SORCS3: variants seen among roughly 807,000 people sequenced by gnomAD.
The protein encoded by SORCS3 is sortilin related VPS10 domain containing receptor 3.
In SORCS3, 57 loss-of-function variants were observed where a neutral mutation model predicts 146.3. The ratio of observed to expected loss-of-function variants is 0.39; its 90% confidence interval spans 0.31 to 0.49. The LOEUF (loss-of-function observed/expected upper bound fraction) is 0.49. SORCS3 is among the 20% of genes least tolerant of loss of function. SORCS3 has a pLI of 0.92. For synonymous variants in SORCS3, 653 were observed against 618.5 expected (o/e 1.06, Z -0.83); for missense variants, 1,341 against 1,575.5 (o/e 0.85, Z 2.52).
chr10:105,033,966 G>C (rs1220120689), intron 4 of SORCS3, among the ~76,000 whole-genome samples: 1 of 152,120 alleles, frequency 6.6e-6, no homozygotes, highest in Non-Finnish European at 1.5e-5. Context: ...ATATTCATGT[G>C]TTCATTCAGC....
intron 1 of SORCS3, among the ~76,000 whole-genome samples, chr10:104,722,500 G>A (rs942159439): frequency 2.0e-5 from 3 of 152,232 alleles, no homozygotes; most frequent in African/African-American, 7.2e-5. Context: ...CATAAAATGA[G>A]TTAGGGAGGA....
In SORCS3 at chr10:104,641,529, T is replaced by C; in HGVS notation, c.202T>C (p.Trp68Arg). 1 of 1,471,514 alleles carries C rather than the reference T, an allele frequency of 6.8e-7. No homozygotes were observed. Among genetic ancestry groups the C allele is most frequent in the Non-Finnish European group, 8.9e-7 (1 of 1,120,956 alleles). The allele number at this position is 1,471,514 out of a possible 1,614,324, so 91.2% of individuals were successfully genotyped here. A position where few individuals can be genotyped will look rare whatever the true frequency, so the allele number is the denominator to read the frequency against. ...CTCGCCGCGGGCAGTGGCCAGCCAG[T>C]GGCCGGAGGAGCTGGCGTCGGCGCG... ...PLSPRAVASQWPEELASARRA... is the reference protein window; with the variant it reads ...PLSPRAVASQRPEELASARRA... The change falls in exon 1 of 27, where the codon TGG becomes CGG. Residue 68 changes from tryptophan to arginine, a missense_variant. Physicochemically the swap from Trp to Arg is moderately radical, Grantham distance 101 (BLOSUM62 -3). Coordinates refer to ENST00000369701, the MANE Select transcript of SORCS3 (RefSeq NM_014978.3). This position sits in a 1 kb window ranked among gnomAD's most constrained non-coding sequence, Gnocchi z 6.4.
chr10:105,149,271 A>T (rs1298308072), intron 9 of SORCS3, among the ~76,000 whole-genome samples: 1 of 152,128 alleles, frequency 6.6e-6, no homozygotes, highest in Non-Finnish European at 1.5e-5. Flanking sequence ...ACATAAAGGC[A>T]TGGGGCAAAT....
intron 20 of SORCS3, among the ~76,000 whole-genome samples, chr10:105,240,931 C>T (rs898980916): frequency 2.8e-5 from 1 of 35,978 alleles, no homozygotes. Flanking sequence ...CATATACACA[C>T]ACAAACACTG....
chr10:104,647,884 A>T (rs1451649263), intron 1 of SORCS3, among the ~76,000 whole-genome samples: 1 of 152,206 alleles, frequency 6.6e-6, no homozygotes, highest in African/African-American at 2.4e-5. Context: ...GACTTCAGAG[A>T]TCAGATGGAC....
rs1388097896 is a variant in SORCS3 at position 104,682,244 on chromosome 10, T to C, written c.627+40290T>C. Reference sequence around the variant, plus strand: ...TGGAAAAAATCTTCATGCTAGTTCATGAGCATCTCACCTGGCACACCTGGC... The same window carrying C: ...TGGAAAAAATCTTCATGCTAGTTCACGAGCATCTCACCTGGCACACCTGGC... On this transcript the variant is annotated intron_variant, in intron 1 of 26. Transcript: ENST00000369701. Among the ~76,000 whole-genome samples, 4 of 152,258 alleles carry C rather than the reference T, an allele frequency of 2.6e-5. No homozygotes were observed. The East Asian group carries it at 7.7e-4, about 29-fold the overall frequency.
chr10:104,875,920 T>A (rs728423), intron 2 of SORCS3, among the ~76,000 whole-genome samples: 1 of 152,096 alleles, frequency 6.6e-6, no homozygotes, highest in South Asian at 2.1e-4. Context: ...TAGACTCACA[T>A]GGCAAAAGGA....
chr10:105,031,489 G>C (rs1232948850), intron 4 of SORCS3, among the ~76,000 whole-genome samples: 2 of 152,118 alleles, frequency 1.3e-5, no homozygotes, highest in African/African-American at 2.4e-5. Context: ...AGGAACCTAA[G>C]AATTCATTGT....
chr10:104,666,424 G>A (rs573498636), intron 1 of SORCS3, among the ~76,000 whole-genome samples: 4 of 152,248 alleles, frequency 2.6e-5, no homozygotes, highest in South Asian at 2.1e-4. Flanking sequence ...AAAATAGGAC[G>A]CAGTCACAGA....
chr10:105,069,851 C>A, intron 5 of SORCS3, among the ~76,000 whole-genome samples: 1 of 152,164 alleles, frequency 6.6e-6, no homozygotes. Flanking sequence ...CTCCATGTGT[C>A]CTTGCATACT....
intron 3 of SORCS3, among the ~76,000 whole-genome samples, chr10:104,920,849 G>T (rs948931363): frequency 5.9e-5 from 9 of 152,132 alleles, no homozygotes; most frequent in African/African-American, 2.2e-4. Context: ...TGGCATGGTG[G>T]CATCAGCATT....
At chr10:105,167,383 A>C (rs2056322985) in intron 13 of SORCS3, 34 bp downstream of exon 13, 1 of 1,504,034 alleles carries the variant, frequency 6.6e-7, no homozygotes, top group African/African-American at 1.4e-5. Context: ...TAATGAGCTA[A>C]TGAGCAGCTT....
rs186682188 is a variant in SORCS3 at position 105,161,402 on chromosome 10, T to C, written c.1732+2408T>C. ...CCTGCAGGGTCCTTTCCCATATCCA[T>C]GCCTTCCACCTGCCCTTCAGGTGTC... On this transcript the variant is annotated intron_variant, in intron 11 of 26. Transcript: ENST00000369701. Among the ~76,000 whole-genome samples, 196 of 152,254 alleles carry C rather than the reference T, an allele frequency of 1.3e-3. 1 individual carries two copies. Among genetic ancestry groups the C allele is most frequent in the Non-Finnish European group, 2.5e-3 (171 of 67,998 alleles).
chr10:105,143,945 T>C (rs2056112851), intron 8 of SORCS3, among the ~76,000 whole-genome samples: 1 of 152,158 alleles, frequency 6.6e-6, no homozygotes, highest in South Asian at 2.1e-4. Context: ...CCTTTCTCCC[T>C]GCCTCTAGCA....
chr10:104,649,250 G>T (rs2015531215), intron 1 of SORCS3, among the ~76,000 whole-genome samples: 1 of 152,160 alleles, frequency 6.6e-6, no homozygotes, highest in Admixed American at 6.5e-5. Flanking sequence ...CTGGGTTCAA[G>T]TCCTGCCTCT....
chr10:104,961,524 G>A (rs947631457), intron 3 of SORCS3, among the ~76,000 whole-genome samples: 4 of 152,118 alleles, frequency 2.6e-5, no homozygotes, highest in African/African-American at 9.7e-5. Flanking sequence ...CTCTCCTGGT[G>A]TTAGATTTGC....
chr10:105,223,526 T>C (rs1046224732), intron 20 of SORCS3, among the ~76,000 whole-genome samples: 1 of 152,250 alleles, frequency 6.6e-6, no homozygotes, highest in African/African-American at 2.4e-5. Context: ...AAAATTTCAT[T>C]CGTTCCATTT....
intron 20 of SORCS3, among the ~76,000 whole-genome samples, chr10:105,233,829 T>G (rs1481453729): frequency 6.6e-6 from 1 of 152,322 alleles, no homozygotes; most frequent in Admixed American, 6.5e-5. Context: ...TTTGGGTTGG[T>G]TCCAACTCTT....
intron 5 of SORCS3, among the ~76,000 whole-genome samples, chr10:105,088,902 T>C (rs2055682124): frequency 6.6e-6 from 1 of 152,218 alleles, no homozygotes; most frequent in Non-Finnish European, 1.5e-5. Flanking sequence ...AATCTTAGAA[T>C]AGTGTATAAA....
Sources: allele counts gnomAD v4.1 joint callset (sites outside exome capture counted in the v4.1 genomes callset), GRCh38; gene constraint gnomAD v4.1.1; non-coding constraint Gnocchi (gnomAD v3.1); transcripts MANE v1.5; gene names NCBI Gene and HGNC (gene_info 2026-07-23, HGNC 2026-07-21).